TNFSF10: variants seen among roughly 807,000 people sequenced by gnomAD.
The protein encoded by TNFSF10 is tumor necrosis factor ligand superfamily member 10.
A neutral mutation model predicts 29.5 loss-of-function variants in TNFSF10; 13 were observed. The ratio of observed to expected loss-of-function variants is 0.44; its 90% CI spans 0.29 to 0.70. TNFSF10 has a LOEUF of 0.70. Among genes scored for constraint, TNFSF10 ranks in the 30% least tolerant of loss-of-function variants. The probability of loss-of-function intolerance (pLI) is 0.13; values close to 1 mark genes in which losing one functional copy is unlikely to be tolerated. For missense variants in TNFSF10, 345 were observed against 330.9 expected, an observed-to-expected ratio of 1.04 and a Z score of -0.33; for synonymous variants, 111 against 112.8, an observed-to-expected ratio of 0.98 and a Z score of 0.10.
intron 1 of TNFSF10, among the ~76,000 whole-genome samples, chr3:172,520,285 A>G (rs1185727365): frequency 6.6e-6 from 1 of 152,244 alleles, no homozygotes; most frequent in Non-Finnish European, 1.5e-5. Context: ...TACATGGACC[A>G]TCCACAGGCA....
At chr3:172,509,880 G>A (rs1289712444) in intron 3 of TNFSF10, among the ~76,000 whole-genome samples, 2 of 151,554 alleles carry the variant, frequency 1.3e-5, no homozygotes, top group African/African-American at 2.4e-5. Context: ...TCAGGAGGCT[G>A]AGGCAGGAGA....
Position 172,506,498 on chromosome 3 carries a change from A to G in TNFSF10, c.840T>C (p.Val280=). ...HEASFFGAFL[V]G ...CTTTTTCTTTCCAGGTCAGTTAGCCAACTAAAAAGGCCCCAAAAAAACTGG... is the reference window on the plus strand; with the variant it reads ...CTTTTTCTTTCCAGGTCAGTTAGCCGACTAAAAAGGCCCCAAAAAAACTGG... The change falls in exon 5 of 5, where the codon GTT becomes GTC. Residue 280 remains valine, a synonymous_variant. Coordinates refer to ENST00000241261, the MANE Select transcript of TNFSF10 (RefSeq NM_003810.4). 1 of 1,601,732 alleles carries G rather than the reference A, an allele frequency of 6.2e-7. No individual in the cohort carries two copies. The highest frequency in any genetic ancestry group is 2.2e-5 in the East Asian group (1 of 44,816).
rs1712969567 is a variant in TNFSF10 at position 172,506,072 on chromosome 3, G to A, written c.*420C>T. The A allele has an allele frequency of 6.4e-6, 1 of 156,504 alleles. No homozygotes were observed. The highest frequency in any genetic ancestry group is 6.4e-5 in the Admixed American group (1 of 15,628). 9.7% of individuals were successfully genotyped at this position (156,504 alleles called of 1,614,324 possible). A position where few individuals can be genotyped will look rare whatever the true frequency, so the allele number is the denominator to read the frequency against. ...CTCTTCTCTCTTTTGACTTAAGGAT[G>A]TTGTCCCTTAAGGAAACCTGGAGGC... On this transcript the variant is annotated 3_prime_UTR_variant, in exon 5 of 5. Coordinates refer to ENST00000241261, the MANE Select transcript of TNFSF10 (RefSeq NM_003810.4).
At position 172,506,514 on chromosome 3, in the gene TNFSF10, A is replaced by T. The variant is rs758781458; in HGVS notation, c.824T>A (p.Phe275Tyr). 1 of 1,605,068 alleles carries T rather than the reference A, an allele frequency of 6.2e-7. No individual in the cohort carries two copies. The highest frequency in any genetic ancestry group is 8.5e-7 in the Non-Finnish European group (1 of 1,177,436). Residue 275 changes from phenylalanine (F) to tyrosine (Y), a missense_variant, in exon 5 of 5, where the codon TTT becomes TAT. Coordinates refer to ENST00000241261, the MANE Select transcript of TNFSF10 (RefSeq NM_003810.4). ...CAGTTAGCCAACTAAAAAGGCCCCAAAAAAACTGGCTTCATGGTCCATGTC... is the reference window on the plus strand; with the variant it reads ...CAGTTAGCCAACTAAAAAGGCCCCATAAAAACTGGCTTCATGGTCCATGTC... ...LIDMDHEASF[F>Y]GAFLVG
Position 172,508,314 on chromosome 3 carries a change from C to A in TNFSF10, c.418+903G>T, listed in dbSNP as rs200892065. Among the ~76,000 whole-genome samples the A allele has an allele frequency of 4.1e-5, 6 of 147,546 alleles. No individual in the cohort carries two copies. The South Asian group carries it at 6.5e-4, about 16-fold the overall frequency. On this transcript the variant is annotated intron_variant, in intron 4 of 4. Transcript: ENST00000241261. ...CCGTCTCAAAAAAACAAAAAAAAAA[C>A]AAAAAAATACCCATGCACAGTATTA...
Position 172,523,223 on chromosome 3 carries a change from C to T in TNFSF10, c.132+30G>A, listed in dbSNP as rs1044686546. On this transcript the variant is annotated intron_variant, in intron 1 of 4. Transcript: ENST00000241261. ...GTAACCAGACATTTGCTAAGCGCCTCGAAGACTGAGTGCACTGCACTGCAC... is the reference window on the plus strand; with the variant it reads ...GTAACCAGACATTTGCTAAGCGCCTTGAAGACTGAGTGCACTGCACTGCAC... 6 of 1,561,614 alleles carry T rather than the reference C, an allele frequency of 3.8e-6. No individual in the cohort carries two copies. The African/African-American group carries it at 5.4e-5, about 14-fold the overall frequency.
At chr3:172,510,233 G>A (rs1713167484) in intron 3 of TNFSF10, among the ~76,000 whole-genome samples, 1 of 152,132 alleles carries the variant, frequency 6.6e-6, no homozygotes, top group Admixed American at 6.6e-5. Flanking sequence ...AAGATGGGTG[G>A]ATCACTTAGC....
At chr3:172,517,813 C>G in intron 1 of TNFSF10, 1 of 982,292 alleles carries the variant, frequency 1.0e-6, no homozygotes, top group Non-Finnish European at 1.2e-6. Context: ...AAAAAAAGTA[C>G]CCATAATCAT....
chr3:172,510,045 A>G (rs2108445314), intron 3 of TNFSF10, among the ~76,000 whole-genome samples: 1 of 152,110 alleles, frequency 6.6e-6, no homozygotes, highest in Admixed American at 6.6e-5. Context: ...AAACTTCCCA[A>G]GTGTGCTTAC....
chr3:172,522,638 T>G (rs368573118), intron 1 of TNFSF10, among the ~76,000 whole-genome samples: 31 of 152,340 alleles, frequency 2.0e-4, no homozygotes, highest in African/African-American at 7.2e-4. Context: ...AAAAGGAAGT[T>G]TACAAGACAT....
intron 1 of TNFSF10, among the ~76,000 whole-genome samples, chr3:172,516,108 C>CA (rs377367070): frequency 2.0e-5 from 3 of 151,822 alleles, no homozygotes; most frequent in African/African-American, 4.8e-5. Context: ...TAAAAAAATA[C>CA]AAAAAATTAG....
intron 1 of TNFSF10, among the ~76,000 whole-genome samples, chr3:172,517,094 T>C (rs1713468306): frequency 1.3e-5 from 2 of 152,210 alleles, no homozygotes; most frequent in South Asian, 4.1e-4. Flanking sequence ...TCACTTCACA[T>C]CAGCTGTAAG....
At position 172,505,965 on chromosome 3, in the gene TNFSF10, T is replaced by C. The variant is rs904334066; in HGVS notation, c.*527A>G. ...TGGTCTTGATCTCTTGATCTCGTGATCTACCCACCTTGGGTTCCCAAAATG... is the reference window on the plus strand; with the variant it reads ...TGGTCTTGATCTCTTGATCTCGTGACCTACCCACCTTGGGTTCCCAAAATG... On this transcript the variant is annotated 3_prime_UTR_variant, in exon 5 of 5. Transcript: ENST00000241261. The C allele has an allele frequency of 6.5e-6, 1 of 152,710 alleles. No homozygotes were observed. Among genetic ancestry groups the C allele is most frequent in the African/African-American group, 2.4e-5 (1 of 41,454 alleles). 9.5% of individuals were successfully genotyped at this position (152,710 alleles called of 1,614,324 possible). A position where few individuals can be genotyped will look rare whatever the true frequency, so the allele number is the denominator to read the frequency against.
At chr3:172,508,474 G>A (rs3136600) in intron 4 of TNFSF10, among the ~76,000 whole-genome samples, 103,354 of 150,792 alleles carry the variant, frequency 0.69, 35,380 homozygotes, top group Middle Eastern at 0.76. Flanking sequence ...TTAATTTAAT[G>A]TAAATGCCAC....
At chr3:172,517,875 T>A (rs1713501693) in intron 1 of TNFSF10, 1 of 985,458 alleles carries the variant, frequency 1.0e-6, no homozygotes, top group East Asian at 1.1e-4. Flanking sequence ...TAGACCTTTT[T>A]ATGCATAAAT....
intron 1 of TNFSF10, among the ~76,000 whole-genome samples, chr3:172,519,725 A>C (rs542874038): frequency 1.3e-5 from 2 of 152,342 alleles, no homozygotes; most frequent in South Asian, 4.1e-4. Flanking sequence ...CAAAAGAAAA[A>C]TTTCCGACTG....
At chr3:172,515,936 G>C (rs1713413508) in intron 1 of TNFSF10, among the ~76,000 whole-genome samples, 1 of 152,166 alleles carries the variant, frequency 6.6e-6, no homozygotes, top group African/African-American at 2.4e-5. Context: ...GTTTTAACAA[G>C]TGGGATGGAA....
chr3:172,507,656 C>G (rs1157711646), intron 4 of TNFSF10, among the ~76,000 whole-genome samples: 7 of 152,108 alleles, frequency 4.6e-5, no homozygotes, highest in Non-Finnish European at 8.8e-5. Flanking sequence ...TGATGAGTAG[C>G]AAGCAGTAAC....
chr3:172,523,144 G>T, intron 1 of TNFSF10, 109 bp downstream of exon 1: 1 of 1,361,498 alleles, frequency 7.3e-7, no homozygotes, highest in Non-Finnish European at 9.8e-7. Flanking sequence ...TACCCACAGA[G>T]AAAGGAAGCA....
Sources: allele counts gnomAD v4.1 joint callset (sites outside exome capture counted in the v4.1 genomes callset), GRCh38; gene constraint gnomAD v4.1.1; transcripts MANE v1.5; gene names NCBI Gene and HGNC (gene_info 2026-07-23, HGNC 2026-07-21).